Variants in F13B observed in about 807,000 individuals in gnomAD.
F13B encodes the protein TGase.
Under a neutral mutation model 79.8 loss-of-function variants are expected in F13B, and 58 were observed. The ratio of observed to expected loss-of-function variants is 0.73; its 90% confidence interval spans 0.59 to 0.90. The LOEUF (loss-of-function observed/expected upper bound fraction) is 0.90, where lower values mean the gene tolerates loss of function less well. F13B is among the 40% of genes least tolerant of loss of function. The pLI is 0.00. For missense variants in F13B, 773 were observed against 777.0 expected, an observed-to-expected ratio of 0.99 and a Z score of 0.06; for synonymous variants, 283 against 260.3, an observed-to-expected ratio of 1.09 and a Z score of -0.84.
chr1:197,055,027 T>C (rs1177216718), intron 8 of F13B, among the ~76,000 whole-genome samples: 6 of 152,178 alleles, frequency 3.9e-5, no homozygotes, highest in African/African-American at 1.4e-4. Context: ...ATCTGCATTA[T>C]GGAATACTAT....
Position 197,060,365 on chromosome 1 carries a change from C to T in F13B, c.805+1G>A, listed in dbSNP as rs550859190. On this transcript the variant is annotated splice_donor_variant, in intron 5 of 11. Transcript: ENST00000367412. LOFTEE classifies it high-confidence loss of function. Reference sequence around the variant, plus strand: ...TGCGAGTATTAAATTTAAAAATTTACCTTCGCATACAGGAGATTCTGGGTA... The same window carrying T: ...TGCGAGTATTAAATTTAAAAATTTATCTTCGCATACAGGAGATTCTGGGTA... The T allele has an allele frequency of 9.3e-6, 15 of 1,608,838 alleles. No homozygotes were observed. In the South Asian group the frequency reaches 1.5e-4, roughly 17 times the overall value.
chr1:197,058,118 G>A (rs1404478105), intron 5 of F13B, among the ~76,000 whole-genome samples: 3 of 152,140 alleles, frequency 2.0e-5, no homozygotes, highest in Non-Finnish European at 4.4e-5. Context: ...ACATTGTTAC[G>A]CACCAATAGA....
At chr1:197,065,170 C>A (rs1363076974) in intron 1 of F13B, among the ~76,000 whole-genome samples, 4 of 152,114 alleles carry the variant, frequency 2.6e-5, no homozygotes, top group African/African-American at 4.8e-5. Flanking sequence ...AGAAATTTCC[C>A]TGAGGGGCAC....
At position 197,052,851 on chromosome 1, in the gene F13B, TC is replaced by T. The variant is rs765686145; in HGVS notation, c.1355-18del. ...TACATGGTTCTGTAAAACAAAATGC[TC>T]TTTTAAATTCTTTACTTGTCTGACA... On this transcript the variant is annotated intron_variant, in intron 8 of 11. Coordinates refer to ENST00000367412, the MANE Select transcript of F13B (RefSeq NM_001994.3). The T allele has an allele frequency of 2.5e-6, 4 of 1,569,918 alleles. No homozygotes were observed. In the East Asian group the frequency reaches 9.0e-5, roughly 35 times the overall value.
chr1:197,063,657 T>C (rs531343309), intron 1 of F13B, among the ~76,000 whole-genome samples: 13 of 152,282 alleles, frequency 8.5e-5, no homozygotes, highest in African/African-American at 3.1e-4. Context: ...AAGTCACTTA[T>C]GTAATTTAAA....
chr1:197,062,220 C>A (rs1655890179), intron 2 of F13B, among the ~76,000 whole-genome samples: 1 of 151,982 alleles, frequency 6.6e-6, no homozygotes, highest in Non-Finnish European at 1.5e-5. Flanking sequence ...ACCACAATAG[C>A]CATATTCAAC....
Position 197,067,210 on chromosome 1 carries a change from T to A in F13B, c.14A>T (p.Asn5Ile). The A allele has an allele frequency of 1.2e-6, 2 of 1,609,286 alleles. No individual in the cohort carries two copies. Among genetic ancestry groups the A allele is most frequent in the Non-Finnish European group, 1.7e-6 (2 of 1,176,260 alleles). Residue 5 changes from asparagine (N) to isoleucine (I), a missense_variant, in exon 1 of 12, where the codon AAC becomes ATC. Asn to Ile is a moderately radical substitution (Grantham distance 149, BLOSUM62 -3). Transcript: ENST00000367412. ...TATCAATATGATGATAAAAGTCAGG[T>A]TTTTCAACCTCATCTTCAGTGGTGT... The part of the protein sequence containing the change: MRLK[N>I]LTFIIILIIS...
At chr1:197,062,083 T>C (rs1237458968) in intron 2 of F13B, 114 bp from the exon 3 acceptor site, 10 of 897,270 alleles carry the variant, frequency 1.1e-5, no homozygotes, top group Middle Eastern at 3.3e-4. Flanking sequence ...TTTGGAAATA[T>C]CTGCATAATT....
At chr1:197,041,362 G>A (rs894803533) in intron 10 of F13B, among the ~76,000 whole-genome samples, 1 of 151,940 alleles carries the variant, frequency 6.6e-6, no homozygotes, top group Non-Finnish European at 1.5e-5. Context: ...AAAGAGAATG[G>A]TAAAGTATGT....
At chr1:197,063,168 T>C in intron 1 of F13B, 111 bp from the exon 2 acceptor site, 1 of 853,744 alleles carries the variant, frequency 1.2e-6, no homozygotes, top group Non-Finnish European at 1.9e-6. Context: ...CAACTAGTAC[T>C]TATTTTTCTT....
At position 197,060,919 on chromosome 1, in the gene F13B, G is replaced by C. The variant is rs764388774; in HGVS notation, c.608C>G (p.Ser203Cys). The change falls in exon 4 of 12, where the codon TCT becomes TGT. Residue 203 changes from serine to cysteine, a missense_variant. Coordinates refer to ENST00000367412, the MANE Select transcript of F13B (RefSeq NM_001994.3). ...EEVECLTYGWSLTPKCTKLKC... is the reference protein window; with the variant it reads ...EEVECLTYGWCLTPKCTKLKC... Reference sequence around the variant, plus strand: ...CCTACTGGTACATTTTGGTGTGAGAGACCATCCGTATGTGAGACATTCTAC... The same window carrying C: ...CCTACTGGTACATTTTGGTGTGAGACACCATCCGTATGTGAGACATTCTAC... The C allele has an allele frequency of 6.2e-7, 1 of 1,613,096 alleles. No homozygotes were observed. Among genetic ancestry groups the C allele is most frequent in the South Asian group, 1.1e-5 (1 of 91,060 alleles).
At chr1:197,045,101 G>C (rs1655180586) in intron 10 of F13B, among the ~76,000 whole-genome samples, 1 of 152,034 alleles carries the variant, frequency 6.6e-6, no homozygotes, top group African/African-American at 2.4e-5. Flanking sequence ...GAAAGAACTA[G>C]AGAAGCAAGA....
intron 9 of F13B, 68 bp from the exon 10 acceptor site, chr1:197,050,947 A>G (rs937120863): frequency 5.1e-5 from 67 of 1,313,704 alleles, no homozygotes; most frequent in Non-Finnish European, 5.5e-5. Flanking sequence ...TATAAGTGCT[A>G]CAGAGACAGA....
At chr1:197,066,681 AT>A (rs1160421339) in intron 1 of F13B, among the ~76,000 whole-genome samples, 4 of 152,204 alleles carry the variant, frequency 2.6e-5, no homozygotes, top group Admixed American at 6.5e-5. Flanking sequence ...CAACAAATGA[AT>A]AATTCATTGT....
intron 4 of F13B, among the ~76,000 whole-genome samples, 173 bp downstream of exon 4, chr1:197,060,726 A>T (rs575347456): frequency 7.9e-5 from 12 of 152,276 alleles, no homozygotes; most frequent in African/African-American, 2.9e-4. Context: ...AGCTAAAATG[A>T]ATTTATTCTA....
In F13B at chr1:197,057,120, T is replaced by C. The variant is rs1157047309; in HGVS notation, c.1064A>G (p.Tyr355Cys). Reference sequence around the variant, plus strand: ...TGCATATGTCACTTTATCCCCATTGTAATAAATCTTAGAGTGTAAATTTGC... The same window carrying C: ...TGCATATGTCACTTTATCCCCATTGCAATAAATCTTAGAGTGTAAATTTGC... ...GAANLHSKIY[Y>C]NGDKVTYACK... Residue 355 changes from tyrosine (Y) to cysteine (C), a missense_variant, in exon 7 of 12, where the codon TAC becomes TGC. Physicochemically the swap from Tyr to Cys is radical, Grantham distance 194. Coordinates refer to ENST00000367412, the MANE Select transcript of F13B (RefSeq NM_001994.3). 5.0e-6 allele frequency: 8 copies of C among 1,613,796 alleles called. No homozygotes were observed. The highest frequency in any genetic ancestry group is 2.7e-5 in the African/African-American group (2 of 74,928).
rs1449183611 is a variant in F13B at position 197,060,933 on chromosome 1, G to A, written c.594C>T (p.Leu198=). 3 of 1,613,090 alleles carry A rather than the reference G, an allele frequency of 1.9e-6. No homozygotes were observed. Among genetic ancestry groups the A allele is most frequent in the Non-Finnish European group, 2.5e-6 (3 of 1,179,444 alleles). ...GGKKTEEVEC[L]TYGWSLTPKC... is the part of the protein sequence containing the mutation. ...TTGGTGTGAGAGACCATCCGTATGTGAGACATTCTACCTCCTCTGTCTTCT... is the reference window on the plus strand; with the variant it reads ...TTGGTGTGAGAGACCATCCGTATGTAAGACATTCTACCTCCTCTGTCTTCT... Residue 198 remains leucine (L), a synonymous_variant, in exon 4 of 12, where the codon CTC becomes CTT. Coordinates refer to ENST00000367412, the MANE Select transcript of F13B (RefSeq NM_001994.3).
chr1:197,067,032 A>T, intron 1 of F13B, 128 bp downstream of exon 1: 1 of 488,732 alleles, frequency 2.0e-6, no homozygotes, highest in Non-Finnish European at 3.6e-6. Flanking sequence ...ATAAAAAGTT[A>T]TATTTATAAA....
chr1:197,054,589 T>C (rs1332390677), intron 8 of F13B, among the ~76,000 whole-genome samples: 1 of 151,786 alleles, frequency 6.6e-6, no homozygotes, highest in Non-Finnish European at 1.5e-5. Context: ...AAATAATTTA[T>C]ATATAGATTT....
Sources: gnomAD v4.1 joint callset for allele counts (sites outside exome capture counted in the v4.1 genomes callset) on GRCh38, gnomAD v4.1.1 for gene constraint, MANE v1.5 for transcripts, NCBI Gene and HGNC (gene_info 2026-07-23, HGNC 2026-07-21) for gene names.